HBP1: variants seen among roughly 807,000 people sequenced by gnomAD.
The protein encoded by HBP1 is HMG-box transcription factor 1, also known as HMG box-containing protein 1.
Under a neutral mutation model 62.6 loss-of-function variants are expected in HBP1, and 20 were observed. That is an observed-to-expected ratio of 0.32 (90% CI 0.22 to 0.46). The LOEUF is 0.46. Among genes scored for constraint, HBP1 ranks in the 20% least tolerant of loss-of-function variants. HBP1 has a pLI of 1.00. For synonymous variants in HBP1, 232 were observed against 206.2 expected, an observed-to-expected ratio of 1.12 and a Z score of -1.07; for missense variants, 480 against 611.8, an observed-to-expected ratio of 0.78 and a Z score of 2.27.
In HBP1 at chr7:107,179,970, C is replaced by T. The variant is rs141994171; in HGVS notation, c.77C>T (p.Ser26Leu). 4 of 1,611,618 alleles carry T rather than the reference C, an allele frequency of 2.5e-6. No individual in the cohort carries two copies. In the African/African-American group the frequency reaches 5.3e-5, roughly 22 times the overall value. ...CTGTTGGTGATGGACAAGAGAGCCT[C>T]AGGAATGAATGACTCATTGGAGTTG... The part of the protein sequence containing the change: ...KLLLVMDKRA[S>L]GMNDSLELLQ... Residue 26 changes from serine to leucine, a missense_variant, in exon 2 of 11, where the codon TCA (serine) becomes TTA (leucine). Physicochemically the swap from Ser to Leu is moderately radical, Grantham distance 145. This residue lies in a region of HBP1 where 304 missense variants were observed against 330.9 expected (regional missense o/e 0.92). Transcript: ENST00000222574.
chr7:107,189,703 C>G (rs539488889), intron 7 of HBP1, among the ~76,000 whole-genome samples: 1 of 152,136 alleles, frequency 6.6e-6, no homozygotes, highest in African/African-American at 2.4e-5. Context: ...TTTCTATTAT[C>G]TTGGTATAGT....
intron 1 of HBP1, 93 bp from the exon 2 acceptor site, chr7:107,179,786 A>G (rs1797025547): frequency 1.3e-6 from 1 of 796,606 alleles, no homozygotes; most frequent in African/African-American, 1.7e-5. Flanking sequence ...AAAAAACAAA[A>G]CAACATTGTC....
At chr7:107,192,055 G>C (rs904648142) in intron 8 of HBP1, among the ~76,000 whole-genome samples, 2 of 152,102 alleles carry the variant, frequency 1.3e-5, no homozygotes, top group African/African-American at 4.8e-5. Context: ...CCCCAGCAGT[G>C]GGCTGTGACA....
intron 1 of HBP1, among the ~76,000 whole-genome samples, chr7:107,171,749 G>C (rs1195380080): frequency 1.3e-5 from 2 of 151,144 alleles, no homozygotes; most frequent in Non-Finnish European, 3.0e-5. Flanking sequence ...AGTCCCAGCT[G>C]CTTGGGAGGC....
rs60734729 is a variant in HBP1 at position 107,171,073 on chromosome 7, A to ATTTTTTT, written c.-16+1897_-16+1903dup. Among the ~76,000 whole-genome samples, 51 of 87,194 alleles carry ATTTTTTT rather than the reference A, an allele frequency of 5.8e-4. 10 individuals carry two copies. Among genetic ancestry groups the ATTTTTTT allele is most frequent in the African/African-American group, 3.2e-3 (48 of 15,118 alleles). The allele number at this position is 87,194 out of a possible 152,430, so 57.2% of individuals were successfully genotyped here. Reference sequence around the variant, plus strand: ...TATATATATATATATATATATATATATTTTTTTTTTTTTTTGAGAGGGAGT... The same window carrying ATTTTTTT: ...TATATATATATATATATATATATATATTTTTTTTTTTTTTTTTTTTTTGAGAGGGAGT... On this transcript the variant is annotated intron_variant, in intron 1 of 10. Transcript: ENST00000222574.
intron 3 of HBP1, among the ~76,000 whole-genome samples, chr7:107,184,635 C>G (rs1250781210): frequency 1.3e-5 from 2 of 152,134 alleles, no homozygotes; most frequent in African/African-American, 4.8e-5. Context: ...CTCAGCCTCC[C>G]GAGTAGCTGG....
At chr7:107,179,084 G>C (rs972824705) in intron 1 of HBP1, among the ~76,000 whole-genome samples, 2 of 152,112 alleles carry the variant, frequency 1.3e-5, no homozygotes, top group Admixed American at 1.3e-4. Flanking sequence ...TTCACTTTCA[G>C]AATGAAGAAA....
chr7:107,190,764 C>T (rs1379128414), intron 8 of HBP1, among the ~76,000 whole-genome samples: 1 of 152,144 alleles, frequency 6.6e-6, no homozygotes, highest in Non-Finnish European at 1.5e-5. Context: ...GCATTAGTTG[C>T]ATGGTTTAAC....
chr7:107,169,301 C>G, intron 1 of HBP1, 116 bp downstream of exon 1: 1 of 481,774 alleles, frequency 2.1e-6, no homozygotes, highest in Non-Finnish European at 2.9e-6. Flanking sequence ...GGAGGGTTGC[C>G]CTTGGGGTGG....
intron 3 of HBP1, among the ~76,000 whole-genome samples, chr7:107,184,565 C>T (rs944275225): frequency 3.9e-5 from 6 of 152,108 alleles, no homozygotes; most frequent in African/African-American, 1.4e-4. Flanking sequence ...GGCTCGAGTG[C>T]AGTGGTGCAA....
chr7:107,194,311 T>A (rs1274586632), intron 8 of HBP1, among the ~76,000 whole-genome samples: 2 of 152,216 alleles, frequency 1.3e-5, no homozygotes, highest in Non-Finnish European at 2.9e-5. Context: ...TATTTTAAAT[T>A]GTAATCATTT....
intron 9 of HBP1, 145 bp downstream of exon 9, chr7:107,196,296 T>A: frequency 1.5e-6 from 1 of 688,348 alleles, no homozygotes. Context: ...TGAGACGGAG[T>A]CTCGCTGTGT....
intron 2 of HBP1, among the ~76,000 whole-genome samples, chr7:107,181,731 AT>A (rs1360128801): frequency 1.3e-5 from 2 of 150,894 alleles, no homozygotes; most frequent in Non-Finnish European, 3.0e-5. Context: ...CATATATATG[AT>A]TTTTTAAAAG....
chr7:107,192,576 T>G (rs1797706154), intron 8 of HBP1: 1 of 152,200 alleles, frequency 6.6e-6, no homozygotes, highest in Non-Finnish European at 1.5e-5. Flanking sequence ...TTCACTCATT[T>G]ATTTGTATGC....
At chr7:107,182,977 C>G (rs1797180813) in intron 3 of HBP1, among the ~76,000 whole-genome samples, 2 of 152,096 alleles carry the variant, frequency 1.3e-5, no homozygotes, top group Admixed American at 1.3e-4. Context: ...TCCTTTTGGT[C>G]TAGGTTTATT....
chr7:107,174,459 T>C, intron 1 of HBP1: 1 of 984,980 alleles, frequency 1.0e-6, no homozygotes, highest in Non-Finnish European at 1.2e-6. Flanking sequence ...AGTTTTGGGA[T>C]GGTGGTTGAT....
At chr7:107,199,935 T>TTTAG (rs1253415764) in intron 9 of HBP1, among the ~76,000 whole-genome samples, 5 of 152,222 alleles carry the variant, frequency 3.3e-5, no homozygotes, top group Admixed American at 3.3e-4. Context: ...TAGATTAGCT[T>TTTAG]TTAGTACAAG....
At chr7:107,173,758 G>A (rs1288226140) in intron 1 of HBP1, among the ~76,000 whole-genome samples, 1 of 152,184 alleles carries the variant, frequency 6.6e-6, no homozygotes, top group Non-Finnish European at 1.5e-5. Flanking sequence ...CACTGAACAT[G>A]ACATTTCAGA....
chr7:107,171,071 A>ATTTTTTTTTTTTT lies in HBP1; in HGVS notation c.-16+1887_-16+1888insTTTTTTTTTTTTT, dbSNP rs1160740045. On this transcript the variant is annotated intron_variant, in intron 1 of 10. Coordinates refer to ENST00000222574, the MANE Select transcript of HBP1 (RefSeq NM_012257.4). ...AATATATATATATATATATATATATATATTTTTTTTTTTTTTTGAGAGGGA... is the reference window on the plus strand; with the variant it reads ...AATATATATATATATATATATATATATTTTTTTTTTTTTTATTTTTTTTTTTTTTTGAGAGGGA... 6.3e-4 allele frequency among the ~76,000 whole-genome samples: 53 copies of ATTTTTTTTTTTTT among 84,296 alleles called. 10 individuals are homozygous for ATTTTTTTTTTTTT. Among genetic ancestry groups the ATTTTTTTTTTTTT allele is most frequent in the African/African-American group, 3.9e-3 (48 of 12,242 alleles). The allele number at this position is 84,296 out of a possible 152,430, so 55.3% of individuals were successfully genotyped here.
Sources: gnomAD v4.1 joint callset for allele counts (sites outside exome capture counted in the v4.1 genomes callset) on GRCh38, gnomAD v4.1.1 for gene constraint, gnomAD v4.1.1 regional missense constraint, MANE v1.5 for transcripts, NCBI Gene and HGNC (gene_info 2026-07-23, HGNC 2026-07-21) for gene names.